UNC13C: variants seen among roughly 807,000 people sequenced by gnomAD.
UNC13C encodes unc-13 homolog C.
In UNC13C, 174 loss-of-function variants were observed where a neutral mutation model predicts 245.4. That is an observed-to-expected ratio of 0.71 (90% CI 0.63 to 0.80). The LOEUF is 0.80. Among genes scored for constraint, UNC13C ranks in the 30% least tolerant of loss-of-function variants. The pLI is 0.00. For missense variants in UNC13C, 2,829 were observed against 2,602.9 expected (o/e 1.09, Z -1.89); for synonymous variants, 992 against 895.1 (o/e 1.11, Z -1.93).
chr15:54,599,118 T>C (rs895947064), intron 30 of UNC13C, among the ~76,000 whole-genome samples: 4 of 152,050 alleles, frequency 2.6e-5, no homozygotes, highest in Non-Finnish European at 4.4e-5. Flanking sequence ...TGGTCACACA[T>C]ATATAGGTAG....
At chr15:54,585,869 C>T (rs1448866419) in intron 30 of UNC13C, among the ~76,000 whole-genome samples, 2 of 152,198 alleles carry the variant, frequency 1.3e-5, no homozygotes, top group African/African-American at 4.8e-5. Context: ...CACCATTTGT[C>T]AAACAACTTT....
At chr15:54,254,768 T>G (rs1308008400) in intron 8 of UNC13C, among the ~76,000 whole-genome samples, 1 of 152,142 alleles carries the variant, frequency 6.6e-6, no homozygotes, top group Admixed American at 6.5e-5. Context: ...GTTTGCAAAG[T>G]CAATCCTAGG....
intron 19 of UNC13C, among the ~76,000 whole-genome samples, chr15:54,422,322 T>C (rs191461579): frequency 6.6e-6 from 1 of 152,110 alleles, no homozygotes; most frequent in East Asian, 1.9e-4. Context: ...TTGATACCTA[T>C]CATAGCCCTC....
intron 25 of UNC13C, among the ~76,000 whole-genome samples, chr15:54,531,868 C>T (rs1895755075): frequency 1.3e-5 from 2 of 152,092 alleles, no homozygotes; most frequent in Non-Finnish European, 2.9e-5. Context: ...AACCACTAAT[C>T]TCCTTTCTGT....
At chr15:54,213,195 G>A (rs1258055407) in intron 4 of UNC13C, among the ~76,000 whole-genome samples, 2 of 151,854 alleles carry the variant, frequency 1.3e-5, no homozygotes, top group Non-Finnish European at 2.9e-5. Flanking sequence ...TACATATATT[G>A]AAGCATTAGG....
chr15:54,213,685 T>C (rs1294838848), intron 4 of UNC13C, among the ~76,000 whole-genome samples: 3 of 152,050 alleles, frequency 2.0e-5, no homozygotes, highest in Non-Finnish European at 4.4e-5. Context: ...TGTGTGATGA[T>C]GTGTAAGTGC....
intron 2 of UNC13C, among the ~76,000 whole-genome samples, chr15:54,059,515 A>G (rs1595786823): frequency 6.6e-6 from 1 of 152,214 alleles, no homozygotes; most frequent in South Asian, 2.1e-4. Context: ...GGAAGAATCA[A>G]TATCGTGAAA....
chr15:54,220,249 T>G (rs908852370), intron 4 of UNC13C, among the ~76,000 whole-genome samples: 1 of 150,370 alleles, frequency 6.7e-6, no homozygotes, highest in Admixed American at 6.6e-5. Context: ...ATATACACCA[T>G]GGAATACTAT....
intron 2 of UNC13C, among the ~76,000 whole-genome samples, chr15:54,066,663 A>G (rs1337527865): frequency 6.6e-6 from 1 of 152,120 alleles, no homozygotes; most frequent in Non-Finnish European, 1.5e-5. Flanking sequence ...TCAGAAGATG[A>G]TTTCTAGGCA....
the UNC13C span, among the ~76,000 whole-genome samples, chr15:53,841,101 C>T: frequency 0.018 from 2,674 of 152,212 alleles, 35 homozygotes; most frequent in East Asian, 0.033. Context: ...TTTTGACCAC[C>T]TACTGTGTGC....
intron 17 of UNC13C, among the ~76,000 whole-genome samples, chr15:54,371,180 C>G (rs1235571791): frequency 6.6e-6 from 1 of 152,130 alleles, no homozygotes; most frequent in East Asian, 1.9e-4. Context: ...ACCCAAACTC[C>G]TACCCCTGCC....
chr15:54,368,022 A>C (rs2039404211), intron 17 of UNC13C, among the ~76,000 whole-genome samples: 1 of 152,176 alleles, frequency 6.6e-6, no homozygotes, highest in South Asian at 2.1e-4. Flanking sequence ...GACTGCAACT[A>C]GGGTTCACTA....
chr15:54,030,166 C>A (rs1896296680), intron 2 of UNC13C, among the ~76,000 whole-genome samples: 1 of 152,136 alleles, frequency 6.6e-6, no homozygotes, highest in Non-Finnish European at 1.5e-5. Flanking sequence ...CTTCCAGGGA[C>A]CACCTTCCAA....
intron 4 of UNC13C, among the ~76,000 whole-genome samples, chr15:54,215,745 T>A (rs894721181): frequency 6.6e-6 from 1 of 151,932 alleles, no homozygotes; most frequent in African/African-American, 2.4e-5. Context: ...GTCAAGACTC[T>A]CATTAAGAAG....
rs141669014 is a variant in UNC13C, at chr15:54,604,360, A to G, written c.6107-17967A>G. Reference sequence around the variant, plus strand: ...GTTTTTCCGTTAAGAAACACAACGAAGTTTGAAATTACTTTTTTCCTTAAA... The same window carrying G: ...GTTTTTCCGTTAAGAAACACAACGAGGTTTGAAATTACTTTTTTCCTTAAA... On this transcript the variant is annotated intron_variant, in intron 30 of 32. Transcript: ENST00000260323. Among the ~76,000 whole-genome samples, 20 of 151,042 alleles carry G rather than the reference A, an allele frequency of 1.3e-4. No homozygotes were observed. In the East Asian group the frequency reaches 3.9e-3, roughly 30 times the overall value.
chr15:54,315,434 C>T (rs912766737), intron 13 of UNC13C, among the ~76,000 whole-genome samples: 10 of 151,354 alleles, frequency 6.6e-5, no homozygotes, highest in African/African-American at 2.4e-4. Flanking sequence ...ATCCTGATTC[C>T]AGTTTCCTGG....
Position 54,128,492 on chromosome 15 carries a change from C to G in UNC13C, c.2984-14526C>G, listed in dbSNP as rs115583678. ...AACATCTGTGTGTGAACATTTGCAT[C>G]TGTTGATTGTCTTTCCTCATTCCCT... is the stretch of plus-strand genomic sequence containing the variant. On this transcript the variant is annotated intron_variant, in intron 2 of 32. Coordinates refer to ENST00000260323, the MANE Select transcript of UNC13C (RefSeq NM_001080534.3). Among the ~76,000 whole-genome samples the G allele has an allele frequency of 7.4e-4, 112 of 152,280 alleles. 1 individual carries two copies. The highest frequency in any genetic ancestry group is 2.6e-3 in the African/African-American group (110 of 41,560).
chr15:54,081,342 T>C (rs77094900), intron 2 of UNC13C, among the ~76,000 whole-genome samples: 5,190 of 152,196 alleles, frequency 0.034, 300 homozygotes, highest in African/African-American at 0.12. Context: ...TGAGTTACTT[T>C]ATTAGCTTAT....
chr15:53,865,256 C>T, the UNC13C span, among the ~76,000 whole-genome samples: 2 of 152,252 alleles, frequency 1.3e-5, no homozygotes, highest in African/African-American at 4.8e-5. Context: ...AACTTCATTC[C>T]ATTGAGTGAC....
Sources: gnomAD v4.1 joint callset for allele counts (sites outside exome capture counted in the v4.1 genomes callset) on GRCh38, gnomAD v4.1.1 for gene constraint, MANE v1.5 for transcripts, NCBI Gene and HGNC (gene_info 2026-07-23, HGNC 2026-07-21) for gene names.